RAP1A: variants seen among roughly 807,000 people sequenced by gnomAD.
RAP1A encodes the protein ras-related protein Rap-1A.
A neutral mutation model predicts 26.4 loss-of-function variants in RAP1A; 6 were observed. That is an observed-to-expected ratio of 0.23 (90% CI 0.12 to 0.45). RAP1A has a LOEUF of 0.45. Among genes scored for constraint, RAP1A ranks in the 20% least tolerant of loss-of-function variants. RAP1A has a pLI of 0.99. For synonymous variants in RAP1A, 73 were observed against 79.4 expected (o/e 0.92, Z 0.43); for missense variants, 121 against 217.2 (o/e 0.56, Z 2.78).
chr1:111,683,855 CA>C (rs1261242000), intron 1 of RAP1A, among the ~76,000 whole-genome samples: 2 of 152,012 alleles, frequency 1.3e-5, no homozygotes, highest in Non-Finnish European at 2.9e-5. Context: ...AGAGACACAA[CA>C]AAAAAGGAAA....
At chr1:111,637,953 T>C (rs924276188) in intron 1 of RAP1A, among the ~76,000 whole-genome samples, 3 of 152,088 alleles carry the variant, frequency 2.0e-5, no homozygotes, top group Admixed American at 6.6e-5. Context: ...TTTAATATTT[T>C]TTGGTGTATA....
intron 1 of RAP1A, among the ~76,000 whole-genome samples, chr1:111,621,167 T>G (rs1487226656): frequency 6.6e-6 from 1 of 152,194 alleles, no homozygotes; most frequent in Non-Finnish European, 1.5e-5. Context: ...GCTCTTAGAT[T>G]TAACTTGGGG....
At chr1:111,642,654 G>A (rs2485660) in intron 1 of RAP1A, among the ~76,000 whole-genome samples, 150,142 of 152,084 alleles carry the variant, frequency 0.99, 74,121 homozygotes, top group East Asian at 1. Flanking sequence ...CGCGCGGCTA[G>A]TTTTTTGTAT....
chr1:111,646,724 A>G (rs559896363), intron 1 of RAP1A, among the ~76,000 whole-genome samples: 22 of 152,234 alleles, frequency 1.4e-4, no homozygotes, highest in African/African-American at 4.6e-4. Flanking sequence ...TATTTTTAGT[A>G]GAGACGGGGT....
chr1:111,551,257 G>A (rs190959462), intron 1 of RAP1A, among the ~76,000 whole-genome samples: 2 of 152,144 alleles, frequency 1.3e-5, no homozygotes, highest in East Asian at 3.9e-4. Context: ...AAAAGAAAGG[G>A]CTTACGTGTG....
chr1:111,656,990 A>G (rs930149627), intron 1 of RAP1A, among the ~76,000 whole-genome samples: 2 of 152,174 alleles, frequency 1.3e-5, no homozygotes. Context: ...TCCATTAAAC[A>G]GTAATTCCCC....
At chr1:111,563,612 T>C (rs1301154636) in intron 1 of RAP1A, among the ~76,000 whole-genome samples, 1 of 152,220 alleles carries the variant, frequency 6.6e-6, no homozygotes. Context: ...CCTCCAGAGC[T>C]AATAACTTGT....
chr1:111,683,459 C>A (rs1661369207), intron 1 of RAP1A, among the ~76,000 whole-genome samples: 1 of 151,706 alleles, frequency 6.6e-6, no homozygotes, highest in South Asian at 2.1e-4. Context: ...CAAATAGATG[C>A]AATAAAAAGT....
At chr1:111,669,576 A>G (rs1660912198) in intron 1 of RAP1A, among the ~76,000 whole-genome samples, 1 of 152,194 alleles carries the variant, frequency 6.6e-6, no homozygotes, top group South Asian at 2.1e-4. Context: ...GCCAAACAAG[A>G]GTGTCATGTG....
At chr1:111,646,030 T>G (rs1446176141) in intron 1 of RAP1A, among the ~76,000 whole-genome samples, 1 of 152,186 alleles carries the variant, frequency 6.6e-6, no homozygotes, top group Admixed American at 6.5e-5. Context: ...AAAAAGATAA[T>G]TAATTTAGAT....
At chr1:111,692,122 TTGAG>T (rs549996273) in intron 2 of RAP1A, among the ~76,000 whole-genome samples, 2 of 152,208 alleles carry the variant, frequency 1.3e-5, no homozygotes, top group South Asian at 4.1e-4. Flanking sequence ...TGTTTGAGGA[TTGAG>T]TAAGTGGTAG....
chr1:111,579,975 T>C (rs578255008), intron 1 of RAP1A, among the ~76,000 whole-genome samples: 10 of 152,180 alleles, frequency 6.6e-5, no homozygotes, highest in East Asian at 5.8e-4. Context: ...TTTGTATTTT[T>C]AGTAGAGTCA....
rs114950981 is a variant in RAP1A, at chr1:111,678,186, T to G, written c.-27-13148T>G. Among the ~76,000 whole-genome samples, 1,412 of 152,352 alleles carry G rather than the reference T, an allele frequency of 9.3e-3. 19 individuals carry two copies. Among genetic ancestry groups the G allele is most frequent in the African/African-American group, 0.032 (1,348 of 41,582 alleles). ...TTCTACAAACACTGCTGATTGAGTT[T>G]GCATTGAATCTGCAGATCAACATGA... On this transcript the variant is annotated intron_variant, in intron 1 of 7. Coordinates refer to ENST00000369709, the MANE Select transcript of RAP1A (RefSeq NM_002884.4).
At chr1:111,705,428 T>G (rs1349933966) in intron 6 of RAP1A, among the ~76,000 whole-genome samples, 1 of 152,182 alleles carries the variant, frequency 6.6e-6, no homozygotes, top group African/African-American at 2.4e-5. Flanking sequence ...AATATTATGC[T>G]TATAGACTAT....
chr1:111,567,764 G>A (rs1371627661), intron 1 of RAP1A, among the ~76,000 whole-genome samples: 2 of 152,206 alleles, frequency 1.3e-5, no homozygotes, highest in African/African-American at 4.8e-5. Flanking sequence ...AAAGGCAGAG[G>A]AAAGGCCTTG....
chr1:111,577,430 A>G (rs1284383404), intron 1 of RAP1A, among the ~76,000 whole-genome samples: 1 of 133,460 alleles, frequency 7.5e-6, no homozygotes, highest in African/African-American at 2.8e-5. Flanking sequence ...AAAAAAAAAG[A>G]ATAGCAGAAA....
At chr1:111,550,718 C>T (rs1032913323) in intron 1 of RAP1A, among the ~76,000 whole-genome samples, 1 of 152,208 alleles carries the variant, frequency 6.6e-6, no homozygotes, top group Admixed American at 6.5e-5. Flanking sequence ...AGGCCTTGAA[C>T]TCCTAGGCTC....
At chr1:111,663,535 T>C (rs1660701519) in intron 1 of RAP1A, among the ~76,000 whole-genome samples, 2 of 152,252 alleles carry the variant, frequency 1.3e-5, no homozygotes, top group Non-Finnish European at 2.9e-5. Context: ...GTGCTACATA[T>C]GCATTATCTA....
intron 1 of RAP1A, among the ~76,000 whole-genome samples, chr1:111,580,879 C>G (rs529950754): frequency 1.4e-5 from 2 of 147,870 alleles, no homozygotes; most frequent in African/African-American, 4.9e-5. Flanking sequence ...AAAAAAACAA[C>G]AAAAAACAGA....
Sources: allele counts gnomAD v4.1 joint callset (sites outside exome capture counted in the v4.1 genomes callset), GRCh38; gene constraint gnomAD v4.1.1; transcripts MANE v1.5; gene names NCBI Gene and HGNC (gene_info 2026-07-23, HGNC 2026-07-21).